Variants in FRRS1L observed in about 807,000 individuals in gnomAD.
FRRS1L encodes DOMON domain-containing protein FRRS1L.
Under a neutral mutation model 28.6 loss-of-function variants are expected in FRRS1L, and 22 were observed. The ratio of observed to expected loss-of-function variants is 0.77; its 90% CI spans 0.55 to 1.10. The LOEUF (loss-of-function observed/expected upper bound fraction) is 1.10, where lower values mean the gene tolerates loss of function less well. Among genes scored for constraint, FRRS1L ranks in the 50% least tolerant of loss-of-function variants. The pLI, the probability that FRRS1L is intolerant of heterozygous loss-of-function variation, is 0.00. For synonymous variants in FRRS1L, 158 were observed against 151.4 expected, an observed-to-expected ratio of 1.04 and a Z score of -0.32; for missense variants, 380 against 386.9, an observed-to-expected ratio of 0.98 and a Z score of 0.15.
intron 2 of FRRS1L, chr9:109,148,304 T>G (rs970324339): frequency 1.3e-5 from 2 of 152,194 alleles, no homozygotes; most frequent in African/African-American, 4.8e-5. Flanking sequence ...TTGGGCTACT[T>G]GCTGCTAATA....
In FRRS1L at chr9:109,137,421, C is replaced by T; in HGVS notation, c.*34G>A. 8 of 1,335,730 alleles carry T rather than the reference C, an allele frequency of 6.0e-6. No homozygotes were observed. The highest frequency in any genetic ancestry group is 8.0e-6 in the Non-Finnish European group (8 of 999,596). 82.7% of individuals were successfully genotyped at this position (1,335,730 alleles called of 1,614,324 possible). A position where few individuals can be genotyped will look rare whatever the true frequency, so the allele number is the denominator to read the frequency against. Reference sequence around the variant, plus strand: ...AAATATATTTATACTAAAGACTTCCCAATCCATGTAATCTGTTGGCCCTGC... The same window carrying T: ...AAATATATTTATACTAAAGACTTCCTAATCCATGTAATCTGTTGGCCCTGC... On this transcript the variant is annotated 3_prime_UTR_variant, in exon 5 of 5. Transcript: ENST00000561981.
At chr9:109,147,563 A>C (rs1831280402) in intron 2 of FRRS1L, 1 of 162,858 alleles carries the variant, frequency 6.1e-6, no homozygotes, top group African/African-American at 2.4e-5. Flanking sequence ...CTTTTAATGG[A>C]AAAAGATTCT....
intron 1 of FRRS1L, among the ~76,000 whole-genome samples, chr9:109,160,423 T>C (rs1223370655): frequency 8.3e-6 from 1 of 120,152 alleles, no homozygotes; most frequent in Non-Finnish European, 1.8e-5. Flanking sequence ...TTTATTTATT[T>C]ATTTTGAGAC....
chr9:109,153,719 T>G (rs971922153), intron 1 of FRRS1L, among the ~76,000 whole-genome samples: 2 of 152,176 alleles, frequency 1.3e-5, no homozygotes, highest in African/African-American at 4.8e-5. Context: ...ACTTGTGGGA[T>G]CTGCACTAAC....
At chr9:109,159,207 A>T (rs1269502921) in intron 1 of FRRS1L, among the ~76,000 whole-genome samples, 1 of 150,878 alleles carries the variant, frequency 6.6e-6, no homozygotes, top group African/African-American at 2.4e-5. Flanking sequence ...TTAGCTTTTT[A>T]ATCTCTGCTA....
intron 3 of FRRS1L, among the ~76,000 whole-genome samples, chr9:109,145,904 G>C (rs1167124666): frequency 6.6e-6 from 1 of 151,998 alleles, no homozygotes; most frequent in Non-Finnish European, 1.5e-5. Context: ...CATAATAAAT[G>C]AGTAAAGTAG....
rs1831090159 is a variant in FRRS1L at position 109,134,399 on chromosome 9, G to T, written c.*3056C>A. 6.6e-6 allele frequency: 1 copy of T among 152,200 alleles called. No homozygotes were observed. Among genetic ancestry groups the T allele is most frequent in the Non-Finnish European group, 1.5e-5 (1 of 68,050 alleles). The allele number at this position is 152,200 out of a possible 1,614,324, so 9.4% of individuals were successfully genotyped here. ...GGGGCCTGGACCTATGTAGTCCAGA[G>T]ATTTGGAGGAAAAAATATTTAAGTT... On this transcript the variant is annotated 3_prime_UTR_variant, in exon 5 of 5. Transcript: ENST00000561981.
chr9:109,164,960 T>C (rs1831528818), intron 1 of FRRS1L, among the ~76,000 whole-genome samples: 1 of 152,222 alleles, frequency 6.6e-6, no homozygotes, highest in South Asian at 2.1e-4. Context: ...TAAAACTTTC[T>C]GGACTATACA....
chr9:109,162,750 C>T (rs1381359689), intron 1 of FRRS1L, among the ~76,000 whole-genome samples: 2 of 152,188 alleles, frequency 1.3e-5, no homozygotes, highest in African/African-American at 4.8e-5. Flanking sequence ...AGTTATATAT[C>T]CACATACCGT....
intron 1 of FRRS1L, among the ~76,000 whole-genome samples, chr9:109,153,756 T>TAGG (rs1831367264): frequency 6.6e-6 from 1 of 152,154 alleles, no homozygotes; most frequent in Non-Finnish European, 1.5e-5. Context: ...AGGAACTGAA[T>TAGG]TGCAGTACAC....
chr9:109,137,407 T>C lies in FRRS1L; in HGVS notation c.*48A>G, dbSNP rs772722857. Reference sequence around the variant, plus strand: ...GGATATTCTTTAAAAAATATATTTATACTAAAGACTTCCCAATCCATGTAA... The same window carrying C: ...GGATATTCTTTAAAAAATATATTTACACTAAAGACTTCCCAATCCATGTAA... On this transcript the variant is annotated 3_prime_UTR_variant, in exon 5 of 5. Transcript: ENST00000561981. The C allele has an allele frequency of 2.6e-6, 3 of 1,165,114 alleles. No homozygotes were observed. In the South Asian group the frequency reaches 7.2e-5, roughly 28 times the overall value. The allele number at this position is 1,165,114 out of a possible 1,614,324, so 72.2% of individuals were successfully genotyped here.
intron 3 of FRRS1L, among the ~76,000 whole-genome samples, chr9:109,145,045 A>G (rs1831240227): frequency 6.6e-6 from 1 of 152,196 alleles, no homozygotes; most frequent in Non-Finnish European, 1.5e-5. Flanking sequence ...AGCCCCACAC[A>G]AGCCTCAGAA....
intron 1 of FRRS1L, chr9:109,151,270 A>T (rs76147511): frequency 0.097 from 14,779 of 152,258 alleles, 978 homozygotes; most frequent in Middle Eastern, 0.16. Context: ...GGGATCCCCA[A>T]TCCCTGGGCC....
intron 3 of FRRS1L, among the ~76,000 whole-genome samples, chr9:109,142,869 G>A (rs1831205575): frequency 6.6e-6 from 1 of 151,926 alleles, no homozygotes; most frequent in Non-Finnish European, 1.5e-5. Context: ...ATTTTGTTAT[G>A]TGCGTTTTAC....
intron 4 of FRRS1L, chr9:109,138,872 C>T (rs1447903095): frequency 6.6e-6 from 1 of 151,980 alleles, no homozygotes; most frequent in Non-Finnish European, 1.5e-5. Context: ...CTTACAGGGA[C>T]CTTAGGAGAA....
rs1831124504 is a variant in FRRS1L at position 109,137,309 on chromosome 9, C to T, written c.*146G>A. ...CAATCTTCTTTGACTACAAAAGAAG[C>T]TTGTTCTTTCTTCCAAAAAGCTGAA... On this transcript the variant is annotated 3_prime_UTR_variant, in exon 5 of 5. Coordinates refer to ENST00000561981, the MANE Select transcript of FRRS1L (RefSeq NM_014334.4). 2.2e-6 allele frequency: 1 copy of T among 462,746 alleles called. No homozygotes were observed. Among genetic ancestry groups the T allele is most frequent in the Non-Finnish European group, 3.7e-6 (1 of 267,502 alleles). 28.7% of individuals were successfully genotyped at this position (462,746 alleles called of 1,614,324 possible). A position where few individuals can be genotyped will look rare whatever the true frequency, so the allele number is the denominator to read the frequency against.
intron 2 of FRRS1L, 156 bp from the exon 3 acceptor site, chr9:109,147,345 G>T: frequency 1.5e-6 from 1 of 646,714 alleles, no homozygotes; most frequent in South Asian, 2.0e-5. Context: ...CACTCTCTTA[G>T]GAGGAACCTT....
intron 3 of FRRS1L, among the ~76,000 whole-genome samples, chr9:109,145,268 C>T (rs1022692662): frequency 3.3e-5 from 5 of 152,322 alleles, no homozygotes; most frequent in African/African-American, 7.2e-5. Flanking sequence ...CCTGAGGCCC[C>T]GCCTGTGCCT....
At chr9:109,152,158 T>A (rs1831337462) in intron 1 of FRRS1L, 1 of 70,306 alleles carries the variant, frequency 1.4e-5, no homozygotes, top group Admixed American at 1.2e-4. Context: ...ATTATCACTA[T>A]TTTTTTTTTG....
Sources: allele counts gnomAD v4.1 joint callset (sites outside exome capture counted in the v4.1 genomes callset), GRCh38; gene constraint gnomAD v4.1.1; transcripts MANE v1.5; gene names NCBI Gene and HGNC (gene_info 2026-07-23, HGNC 2026-07-21).